The following USP7 variants were observed in gnomAD, a reference collection of about 807,000 sequenced individuals.
USP7 encodes the protein ubiquitin C-terminal hydrolase 7.
USP7 carries 9 observed loss-of-function variants against 162.9 expected under a neutral mutation model. The ratio of observed to expected loss-of-function variants is 0.06; its 90% confidence interval spans 0.03 to 0.10. The LOEUF (loss-of-function observed/expected upper bound fraction) is 0.10. Among genes scored for constraint, USP7 ranks in the 10% least tolerant of loss-of-function variants. The pLI is 1.00. For missense variants in USP7, 715 were observed against 1,373.7 expected (o/e 0.52, Z 7.58); for synonymous variants, 562 against 475.9 (o/e 1.18, Z -2.35).
chr16:8,944,635 A>AT (rs1899197406), intron 1 of USP7, among the ~76,000 whole-genome samples: 1 of 152,008 alleles, frequency 6.6e-6, no homozygotes, highest in African/African-American at 2.4e-5. Flanking sequence ...AAAGAAAACT[A>AT]TTTTTTTCTC....
At chr16:8,933,350 C>A (rs1898483518) in intron 1 of USP7, among the ~76,000 whole-genome samples, 2 of 151,886 alleles carry the variant, frequency 1.3e-5, no homozygotes, top group African/African-American at 2.4e-5. Context: ...AGTCCGAGAC[C>A]AACATGGGCA....
intron 6 of USP7, among the ~76,000 whole-genome samples, chr16:8,918,234 A>C (rs1699419027): frequency 6.6e-6 from 1 of 152,226 alleles, no homozygotes; most frequent in Non-Finnish European, 1.5e-5. Context: ...CATGCCTTGA[A>C]GGATGACAAG....
At chr16:8,958,211 T>C (rs1408782890) in intron 1 of USP7, among the ~76,000 whole-genome samples, 1 of 152,158 alleles carries the variant, frequency 6.6e-6, no homozygotes, top group Non-Finnish European at 1.5e-5. Flanking sequence ...AAAAAGTGCA[T>C]GGGTCTTATG....
chr16:8,935,373 C>A (rs1157892071), intron 1 of USP7, among the ~76,000 whole-genome samples: 1 of 152,070 alleles, frequency 6.6e-6, no homozygotes, highest in East Asian at 1.9e-4. Context: ...TCATGCCCAG[C>A]TAATTTGTCT....
In USP7 at chr16:8,932,189, G is replaced by A. The variant is rs140891749; in HGVS notation, c.80-1792C>T. ...AAACATTCAAAATACCAAGAAACAG[G>A]TATTACCACTCAGACGTTTAAGACA... On this transcript the variant is annotated intron_variant, in intron 1 of 30. Transcript: ENST00000344836. Among the ~76,000 whole-genome samples the A allele has an allele frequency of 2.3e-3, 343 of 152,146 alleles. 2 individuals are homozygous for A. Among genetic ancestry groups the A allele is most frequent in the Non-Finnish European group, 3.3e-3 (222 of 68,012 alleles).
intron 2 of USP7, among the ~76,000 whole-genome samples, 197 bp downstream of exon 2, chr16:8,930,096 A>C (rs1898232601): frequency 4.6e-5 from 7 of 152,096 alleles, no homozygotes; most frequent in Admixed American, 4.6e-4. Flanking sequence ...GGCTAGGGAG[A>C]CTCTACTTAC....
chr16:8,933,667 G>T (rs144752536), intron 1 of USP7, among the ~76,000 whole-genome samples: 157 of 151,898 alleles, frequency 1.0e-3, no homozygotes, highest in African/African-American at 3.5e-3. Context: ...TGCCCAGGTT[G>T]GTCTTGAACT....
intron 1 of USP7, among the ~76,000 whole-genome samples, chr16:8,940,467 A>C (rs1898987471): frequency 6.6e-6 from 1 of 152,194 alleles, no homozygotes; most frequent in African/African-American, 2.4e-5. Context: ...GGGCGCCACC[A>C]TCAAGGCTGT....
chr16:8,922,007 G>A (rs1336733324), intron 3 of USP7, among the ~76,000 whole-genome samples: 4 of 152,154 alleles, frequency 2.6e-5, no homozygotes, highest in East Asian at 1.9e-4. Context: ...CTGCTTGCTC[G>A]GGACGCTGAC....
rs1050177311 is a variant in USP7, at chr16:8,963,784, C to T, written c.-499G>A. Among the ~76,000 whole-genome samples the T allele has an allele frequency of 4.1e-5, 6 of 145,520 alleles. No individual in the cohort carries two copies. The highest frequency in any genetic ancestry group is 7.6e-5 in the Non-Finnish European group (5 of 65,546). ...GCGGCGGAGCGGGCGGGCGACGGGC[C>T]GGCCGCGTTCCGAGAGCCGCGGCCT... On this transcript the variant is annotated 5_prime_UTR_variant, in exon 1 of 31. Coordinates refer to ENST00000344836, the MANE Select transcript of USP7 (RefSeq NM_003470.3).
chr16:8,948,516 A>G (rs1899395250), intron 1 of USP7, among the ~76,000 whole-genome samples: 1 of 152,190 alleles, frequency 6.6e-6, no homozygotes, highest in Non-Finnish European at 1.5e-5. Flanking sequence ...AGTGAAGCAT[A>G]TTCCTAACTG....
chr16:8,898,260 T>G, intron 25 of USP7, 100 bp downstream of exon 25: 1 of 995,714 alleles, frequency 1.0e-6, no homozygotes, highest in Non-Finnish European at 1.5e-6. Context: ...TTGTTTAGAG[T>G]GTTTTTCTGT....
At position 8,930,422 on chromosome 16, in the gene USP7, A is replaced by G. The variant is rs376520206; in HGVS notation, c.80-25T>C. The G allele has an allele frequency of 2.5e-6, 4 of 1,570,478 alleles. No homozygotes were observed. The African/African-American group carries it at 5.5e-5, about 21-fold the overall frequency. ...GCTTTAAAGAAGAAAAAGAAATTCC[A>G]CGGGTTTTACATTCATGGCTTTAAT... On this transcript the variant is annotated intron_variant, in intron 1 of 30. Coordinates refer to ENST00000344836, the MANE Select transcript of USP7 (RefSeq NM_003470.3).
At chr16:8,956,854 T>C (rs74010345) in intron 1 of USP7, among the ~76,000 whole-genome samples, 4,660 of 151,538 alleles carry the variant, frequency 0.031, 181 homozygotes, top group African/African-American at 0.088. Context: ...CCGCAGGCAG[T>C]GCCCCATTAT....
chr16:8,925,512 T>C (rs1315279435), intron 2 of USP7, among the ~76,000 whole-genome samples: 1 of 152,212 alleles, frequency 6.6e-6, no homozygotes, highest in Non-Finnish European at 1.5e-5. Context: ...GTAAGTGCTT[T>C]TGGAACTTTC....
At chr16:8,926,608 T>C (rs894023182) in intron 2 of USP7, among the ~76,000 whole-genome samples, 5 of 152,216 alleles carry the variant, frequency 3.3e-5, no homozygotes, top group African/African-American at 9.6e-5. Flanking sequence ...ATGGAGATCT[T>C]TGCCCAAGAA....
Position 8,947,404 on chromosome 16 carries a change from A to G in USP7, c.79+15803T>C, listed in dbSNP as rs1899336174. Among the ~76,000 whole-genome samples the G allele has an allele frequency of 2.0e-5, 3 of 152,130 alleles. No individual in the cohort carries two copies. The South Asian group carries it at 6.2e-4, about 32-fold the overall frequency. On this transcript the variant is annotated intron_variant, in intron 1 of 30. Transcript: ENST00000344836. ...ACTCTTATCACCCAGGCCGAAGTAC[A>G]GTGGTGCCATCTCGGCTCACTGCAA...
chr16:8,961,503 A>G (rs1274619722), intron 1 of USP7, among the ~76,000 whole-genome samples: 36 of 58,598 alleles, frequency 6.1e-4, no homozygotes, highest in Non-Finnish European at 1.0e-3. Flanking sequence ...AAAAAAAAAA[A>G]AGGGGGGGGG....
intron 1 of USP7, among the ~76,000 whole-genome samples, chr16:8,962,272 G>A (rs147071274): frequency 1.1e-3 from 160 of 152,342 alleles, no homozygotes; most frequent in Non-Finnish European, 1.8e-3. Context: ...ACGTAGGTAA[G>A]AAAACTTTTT....
Sources: gnomAD v4.1 joint callset for allele counts (sites outside exome capture counted in the v4.1 genomes callset) on GRCh38, gnomAD v4.1.1 for gene constraint, MANE v1.5 for transcripts, NCBI Gene and HGNC (gene_info 2026-07-23, HGNC 2026-07-21) for gene names.